RSRC1: variants seen among roughly 807,000 people sequenced by gnomAD.
RSRC1 encodes arginine and serine rich coiled-coil 1, also known as serine/Arginine-related protein 53.
In RSRC1, 39 loss-of-function variants were observed where a neutral mutation model predicts 49.1. The observed-to-expected ratio is 0.79, with a 90% confidence interval of 0.61 to 1.04. The LOEUF is 1.04. Ranked by LOEUF, RSRC1 falls within the 50% of genes least tolerant of loss-of-function variation. The probability of loss-of-function intolerance (pLI) is 0.00; values close to 1 mark genes in which losing one functional copy is unlikely to be tolerated. For missense variants in RSRC1, 388 were observed against 402.4 expected, an observed-to-expected ratio of 0.96 and a Z score of 0.31; for synonymous variants, 143 against 130.8, an observed-to-expected ratio of 1.09 and a Z score of -0.63.
intron 7 of RSRC1, among the ~76,000 whole-genome samples, chr3:158,530,668 A>C (rs909578895): frequency 1.3e-5 from 2 of 151,680 alleles, no homozygotes; most frequent in African/African-American, 4.8e-5. Flanking sequence ...TGTTTAGGCT[A>C]TTACTATCTC....
intron 7 of RSRC1, among the ~76,000 whole-genome samples, chr3:158,481,242 T>G (rs1171665813): frequency 6.6e-6 from 1 of 152,120 alleles, no homozygotes; most frequent in Non-Finnish European, 1.5e-5. Context: ...AAAGCCTTAT[T>G]ATTGGTGCCC....
intron 4 of RSRC1, among the ~76,000 whole-genome samples, chr3:158,238,331 A>G (rs1291881630): frequency 6.6e-6 from 1 of 152,206 alleles, no homozygotes; most frequent in Non-Finnish European, 1.5e-5. Context: ...CCATCAAGCT[A>G]CCAATGACTT....
intron 6 of RSRC1, among the ~76,000 whole-genome samples, chr3:158,366,201 T>G (rs1431115358): frequency 6.6e-6 from 1 of 152,232 alleles, no homozygotes; most frequent in African/African-American, 2.4e-5. Context: ...TTTTGGTGTT[T>G]TAGTCATGAA....
chr3:158,454,285 A>G (rs1042222352), intron 6 of RSRC1, among the ~76,000 whole-genome samples: 1 of 152,054 alleles, frequency 6.6e-6, no homozygotes, highest in Non-Finnish European at 1.5e-5. Context: ...TCTGTTTTTC[A>G]GTTTCCTCAT....
chr3:158,440,145 G>T (rs1380247565), intron 6 of RSRC1, among the ~76,000 whole-genome samples: 1 of 151,606 alleles, frequency 6.6e-6, no homozygotes, highest in Admixed American at 6.6e-5. Context: ...TTTTAAAAAG[G>T]CACATAATTG....
chr3:158,415,592 A>C (rs571740446), intron 6 of RSRC1, among the ~76,000 whole-genome samples: 16 of 152,162 alleles, frequency 1.1e-4, no homozygotes, highest in Admixed American at 3.3e-4. Context: ...ACCTAGAATA[A>C]TATAGAATAA....
chr3:158,485,063 G>T (rs571092219), intron 7 of RSRC1, among the ~76,000 whole-genome samples: 1 of 151,936 alleles, frequency 6.6e-6, no homozygotes, highest in Admixed American at 6.6e-5. Context: ...TTTTCATTAT[G>T]GTTCCTCAAT....
chr3:158,290,058 A>AT (rs200645147), intron 4 of RSRC1, among the ~76,000 whole-genome samples: 51 of 149,046 alleles, frequency 3.4e-4, no homozygotes, highest in Admixed American at 1.3e-3. Context: ...TTATATGAAG[A>AT]TTTTTTTTTT....
chr3:158,429,204 G>T (rs542893877), intron 6 of RSRC1, among the ~76,000 whole-genome samples: 49 of 151,842 alleles, frequency 3.2e-4, no homozygotes, highest in African/African-American at 1.2e-3. Context: ...TTAAAAAAAT[G>T]TTTGAATTAA....
At chr3:158,211,699 T>C (rs1047109179) in intron 4 of RSRC1, among the ~76,000 whole-genome samples, 1 of 151,964 alleles carries the variant, frequency 6.6e-6, no homozygotes, top group Admixed American at 6.6e-5. Flanking sequence ...GGCAAGTAAC[T>C]TTTTTGAACT....
chr3:158,514,627 T>C (rs1166001403), intron 7 of RSRC1, among the ~76,000 whole-genome samples: 2 of 152,130 alleles, frequency 1.3e-5, no homozygotes, highest in Non-Finnish European at 2.9e-5. Flanking sequence ...TAGATGTCTA[T>C]TATGTCCGCT....
chr3:158,324,520 A>C (rs1342679083), intron 5 of RSRC1, among the ~76,000 whole-genome samples: 1 of 152,120 alleles, frequency 6.6e-6, no homozygotes, highest in Non-Finnish European at 1.5e-5. Flanking sequence ...GCTGAGAATG[A>C]TGGTCTCCAG....
At chr3:158,225,697 T>C (rs1305870957) in intron 4 of RSRC1, 3 of 453,688 alleles carry the variant, frequency 6.6e-6, no homozygotes, top group South Asian at 4.7e-5. Flanking sequence ...GAAACTTACA[T>C]CTAACAGGAA....
At chr3:158,473,517 G>C (rs1560057907) in intron 7 of RSRC1, among the ~76,000 whole-genome samples, 1 of 152,000 alleles carries the variant, frequency 6.6e-6, no homozygotes, top group Non-Finnish European at 1.5e-5. Context: ...CTGTTGTGGG[G>C]TGAGGGCAGG....
At chr3:158,531,579 G>A (rs1576611836) in intron 7 of RSRC1, among the ~76,000 whole-genome samples, 1 of 151,880 alleles carries the variant, frequency 6.6e-6, no homozygotes, top group African/African-American at 2.4e-5. Context: ...ATGTAACATG[G>A]TCCTGTAGCA....
chr3:158,285,373 G>A (rs1290189238), intron 4 of RSRC1, among the ~76,000 whole-genome samples: 2 of 152,178 alleles, frequency 1.3e-5, no homozygotes, highest in Non-Finnish European at 2.9e-5. Flanking sequence ...ACTTGGCAAT[G>A]CGGGCTCTTT....
rs115019486 is a variant in RSRC1, at chr3:158,116,774, G to A, written c.-2-5329G>A. Among the ~76,000 whole-genome samples the A allele has an allele frequency of 6.6e-3, 1,012 of 152,190 alleles. 11 individuals carry two copies. Among genetic ancestry groups the A allele is most frequent in the African/African-American group, 0.023 (970 of 41,520 alleles). ...TGTAGAGATCCCCAAGGGTCTACAG[G>A]CCTCATTTTGAAAATCGCTGGTACT... On this transcript the variant is annotated intron_variant, in intron 1 of 9. Transcript: ENST00000611884.
At chr3:158,216,206 T>C (rs1421817773) in intron 4 of RSRC1, among the ~76,000 whole-genome samples, 1 of 151,436 alleles carries the variant, frequency 6.6e-6, no homozygotes, top group African/African-American at 2.4e-5. Flanking sequence ...CCTGACTTTC[T>C]CAATTTTGTT....
At chr3:158,169,022 G>A (rs1325755603) in intron 3 of RSRC1, among the ~76,000 whole-genome samples, 1 of 152,040 alleles carries the variant, frequency 6.6e-6, no homozygotes, top group Non-Finnish European at 1.5e-5. Flanking sequence ...TATAATAACA[G>A]CCATTAGACT....
Sources: allele counts gnomAD v4.1 joint callset (sites outside exome capture counted in the v4.1 genomes callset), GRCh38; gene constraint gnomAD v4.1.1; transcripts MANE v1.5; gene names NCBI Gene and HGNC (gene_info 2026-07-23, HGNC 2026-07-21).